The following PLA2R1 variants were observed in gnomAD, a reference collection of about 807,000 sequenced individuals.
PLA2R1 encodes the protein phospholipase A2 receptor 1.
PLA2R1 carries 158 observed loss-of-function variants against 195.9 expected under a neutral mutation model. That is an observed-to-expected ratio of 0.81 (90% CI 0.71 to 0.92). The LOEUF is 0.92. PLA2R1 is among the 40% of genes least tolerant of loss of function. PLA2R1 has a pLI of 0.00. For missense variants in PLA2R1, 1,626 were observed against 1,764.6 expected, an observed-to-expected ratio of 0.92 and a Z score of 1.41; for synonymous variants, 586 against 598.2, an observed-to-expected ratio of 0.98 and a Z score of 0.30.
At position 159,947,035 on chromosome 2, in the gene PLA2R1, AT is replaced by A. The variant is rs1258258288; in HGVS notation, c.3851-119del. ...GTTTTGAAAAGTGAAAATTTCCATT[AT>A]AAAGAAGAGACTTTAAATTAAAAAA... On this transcript the variant is annotated intron_variant, in intron 26 of 29. Transcript: ENST00000283243. 4.4e-6 allele frequency: 3 copies of A among 687,222 alleles called. No individual in the cohort carries two copies. In the African/African-American group the frequency reaches 5.8e-5, roughly 13 times the overall value. The allele number at this position is 687,222 out of a possible 1,614,324, so 42.6% of individuals were successfully genotyped here.
intron 11 of PLA2R1, among the ~76,000 whole-genome samples, chr2:159,997,290 G>A (rs1691277194): frequency 1.3e-5 from 2 of 152,010 alleles, no homozygotes; most frequent in South Asian, 4.2e-4. Flanking sequence ...CCTGCTTGGT[G>A]GGACAGGATG....
Position 159,944,807 on chromosome 2 carries a change from C to A in PLA2R1, c.4144+99G>T. ...TAATGTCAGAATCTATCTGAATACTCTCTCAACTTGGATTTTAAAACCTTT... is the reference window on the plus strand; with the variant it reads ...TAATGTCAGAATCTATCTGAATACTATCTCAACTTGGATTTTAAAACCTTT... On this transcript the variant is annotated intron_variant, in intron 28 of 29. Transcript: ENST00000283243. 3.5e-6 allele frequency: 3 copies of A among 848,730 alleles called. No homozygotes were observed. The South Asian group carries it at 4.8e-5, about 14-fold the overall frequency. The allele number at this position is 848,730 out of a possible 1,614,324, so 52.6% of individuals were successfully genotyped here.
At chr2:159,924,603 C>A in the PLA2R1 span, among the ~76,000 whole-genome samples, 2 of 151,748 alleles carry the variant, frequency 1.3e-5, no homozygotes, top group East Asian at 3.9e-4. Context: ...AATGGACCAG[C>A]CAGAATCTTT....
At chr2:160,028,166 T>G (rs1219046838) in intron 6 of PLA2R1, 52 bp downstream of exon 6, 1 of 1,224,980 alleles carries the variant, frequency 8.2e-7, no homozygotes, top group Non-Finnish European at 1.2e-6. Flanking sequence ...TTACATATAT[T>G]GAGAGGACAA....
At chr2:159,988,551 AG>A (rs1376020948) in intron 11 of PLA2R1, among the ~76,000 whole-genome samples, 1 of 152,230 alleles carries the variant, frequency 6.6e-6, no homozygotes, top group Non-Finnish European at 1.5e-5. Flanking sequence ...AAACATTTGC[AG>A]GAAGTGACAT....
intron 17 of PLA2R1, among the ~76,000 whole-genome samples, chr2:159,972,615 T>C (rs1169052398): frequency 6.6e-6 from 1 of 152,170 alleles, no homozygotes; most frequent in Non-Finnish European, 1.5e-5. Flanking sequence ...ACTAATAGAT[T>C]TGATATGTAT....
At chr2:159,951,604 C>A (rs1299838286) in intron 23 of PLA2R1, 26 bp from the exon 24 acceptor site, 5 of 1,137,876 alleles carry the variant, frequency 4.4e-6, no homozygotes, top group South Asian at 3.7e-5. Flanking sequence ...CAACAAAAGT[C>A]ATTTGCAGCA....
intron 1 of PLA2R1, among the ~76,000 whole-genome samples, chr2:160,051,720 A>C (rs892154937): frequency 6.6e-6 from 1 of 152,204 alleles, no homozygotes; most frequent in African/African-American, 2.4e-5. Flanking sequence ...TGTATTCTTA[A>C]TATGACCTTT....
At chr2:160,029,524 G>C (rs1420625731) in intron 4 of PLA2R1, among the ~76,000 whole-genome samples, 2 of 152,168 alleles carry the variant, frequency 1.3e-5, no homozygotes, top group East Asian at 3.8e-4. Context: ...TGAGGTGGGA[G>C]AAGTTTAATG....
chr2:159,950,771 T>G (rs1216648796), intron 24 of PLA2R1, among the ~76,000 whole-genome samples: 1 of 152,178 alleles, frequency 6.6e-6, no homozygotes, highest in African/African-American at 2.4e-5. Flanking sequence ...TCACAATTAC[T>G]AACATTAGGG....
chr2:160,062,157 T>C, intron 1 of PLA2R1, 138 bp downstream of exon 1: 1 of 616,630 alleles, frequency 1.6e-6, no homozygotes, highest in East Asian at 3.3e-5. Flanking sequence ...TCAGGACTGC[T>C]GACACACGAA....
At chr2:159,967,004 A>G (rs971521049) in intron 20 of PLA2R1, among the ~76,000 whole-genome samples, 1 of 152,106 alleles carries the variant, frequency 6.6e-6, no homozygotes, top group Non-Finnish European at 1.5e-5. Context: ...TTAAGATGAC[A>G]TTGACCAAGC....
chr2:160,017,876 C>T (rs1208236166), intron 8 of PLA2R1, among the ~76,000 whole-genome samples: 1 of 152,066 alleles, frequency 6.6e-6, no homozygotes, highest in South Asian at 2.1e-4. Flanking sequence ...GTAAGAGGAG[C>T]CCTGCATCGC....
chr2:159,951,349 G>A lies in PLA2R1; in HGVS notation c.3531C>T (p.Phe1177=), dbSNP rs1332162231. Residue 1177 remains phenylalanine, a synonymous_variant, in exon 24 of 30, where the codon TTC becomes TTT. Coordinates refer to ENST00000283243, the MANE Select transcript of PLA2R1 (RefSeq NM_007366.5). ...GAGTTAGGATACCTACATCTGTGGT[G>A]AACAGTCCAATCCAGTGGGCATATC... ...RLGYAHWIGL[F]TTDNGLNFDW... is the part of the protein sequence containing the mutation. 6.3e-7 allele frequency: 1 copy of A among 1,588,556 alleles called. No homozygotes were observed. Among genetic ancestry groups the A allele is most frequent in the Non-Finnish European group, 8.6e-7 (1 of 1,156,902 alleles).
intron 26 of PLA2R1, 117 bp from the exon 27 acceptor site, chr2:159,947,034 T>G: frequency 1.5e-6 from 1 of 686,172 alleles, no homozygotes; most frequent in Non-Finnish European, 2.4e-6. Flanking sequence ...AAATTTCCAT[T>G]ATAAAGAAGA....
At chr2:160,058,724 A>G (rs1279224093) in intron 1 of PLA2R1, among the ~76,000 whole-genome samples, 2 of 152,092 alleles carry the variant, frequency 1.3e-5, no homozygotes, top group Admixed American at 6.5e-5. Flanking sequence ...GATTCTGATC[A>G]GGGAAAACAA....
chr2:159,929,807 CTATATG>C (rs138849174), downstream of PLA2R1, among the ~76,000 whole-genome samples: 7,377 of 150,276 alleles, frequency 0.049, 573 homozygotes, highest in African/African-American at 0.17. Flanking sequence ...ATGTATATAT[CTATATG>C]TATATGTATA....
At chr2:160,057,379 C>T (rs572039643) in intron 1 of PLA2R1, among the ~76,000 whole-genome samples, 12 of 152,262 alleles carry the variant, frequency 7.9e-5, no homozygotes, top group South Asian at 4.1e-4. Context: ...ACCAACTCCA[C>T]GTTTGCCTGA....
Position 159,949,601 on chromosome 2 carries a change from A to C in PLA2R1, c.3709+7T>G, listed in dbSNP as rs1687602106. ...TATATTTTTGAGTTGAATAGAATTG[A>C]ACCTACCAGGTGGCACATGACAAAT... On this transcript the variant is annotated splice_region_variant and intron_variant, in intron 25 of 29. Transcript: ENST00000283243. The C allele has an allele frequency of 6.2e-7, 1 of 1,608,498 alleles. No individual in the cohort carries two copies. Among genetic ancestry groups the C allele is most frequent in the Non-Finnish European group, 8.5e-7 (1 of 1,175,110 alleles).
Sources: gnomAD v4.1 joint callset for allele counts (sites outside exome capture counted in the v4.1 genomes callset) on GRCh38, gnomAD v4.1.1 for gene constraint, MANE v1.5 for transcripts, NCBI Gene and HGNC (gene_info 2026-07-23, HGNC 2026-07-21) for gene names.